The following EYS variants were observed in gnomAD, a reference collection of about 807,000 sequenced individuals.
EYS encodes the protein EGF-like photoreceptor maintenance factor.
In EYS, 250 loss-of-function variants were observed where a neutral mutation model predicts 282.1. The observed-to-expected ratio is 0.89, with a 90% confidence interval of 0.80 to 0.98. The LOEUF (loss-of-function observed/expected upper bound fraction) is 0.98. Ranked by LOEUF, EYS falls within the 50% of genes least tolerant of loss-of-function variation. The pLI is 0.00. For missense variants in EYS, 4,016 were observed against 3,709.0 expected (o/e 1.08, Z -2.15); for synonymous variants, 1,355 against 1,282.9 (o/e 1.06, Z -1.20).
intron 26 of EYS, among the ~76,000 whole-genome samples, chr6:64,458,798 T>C (rs1775646713): frequency 6.6e-6 from 1 of 152,200 alleles, no homozygotes; most frequent in Non-Finnish European, 1.5e-5. Flanking sequence ...TCCCTATATT[T>C]TTTATGCTAA....
At chr6:64,720,802 T>A (rs1771552652) in intron 22 of EYS, among the ~76,000 whole-genome samples, 1 of 152,218 alleles carries the variant, frequency 6.6e-6, no homozygotes, top group Non-Finnish European at 1.5e-5. Context: ...AATCTATCCA[T>A]CCATATAACT....
chr6:65,307,477 A>G (rs1385104414), intron 11 of EYS, among the ~76,000 whole-genome samples: 1 of 150,980 alleles, frequency 6.6e-6, no homozygotes, highest in Admixed American at 6.6e-5. Flanking sequence ...TATTTTGTCC[A>G]ATTTCCTAGC....
rs1767177272 is a variant in EYS at position 63,983,076 on chromosome 6, A to G, written c.7055+1307T>C. Among the ~76,000 whole-genome samples, 3 of 151,792 alleles carry G rather than the reference A, an allele frequency of 2.0e-5. No individual in the cohort carries two copies. In the South Asian group the frequency reaches 6.2e-4, roughly 31 times the overall value. On this transcript the variant is annotated intron_variant, in intron 35 of 42. Transcript: ENST00000503581. ...TGATTATAAAGCAAAATACTTATTG[A>G]GTAAAGCCTTGAGGAAAGTGATGAT...
chr6:65,040,640 C>T (rs1181916015), intron 13 of EYS, among the ~76,000 whole-genome samples: 1 of 151,716 alleles, frequency 6.6e-6, no homozygotes, highest in South Asian at 2.1e-4. Context: ...TCTTTTATTC[C>T]TCCAGTCCTG....
intron 42 of EYS, 76 bp downstream of exon 42, chr6:63,726,443 G>A: frequency 3.2e-6 from 4 of 1,260,690 alleles, no homozygotes; most frequent in Non-Finnish European, 4.3e-6. Flanking sequence ...AATACTAGGT[G>A]ACACAAACAC....
At chr6:65,060,046 G>A (rs1171893237) in intron 12 of EYS, among the ~76,000 whole-genome samples, 1 of 151,810 alleles carries the variant, frequency 6.6e-6, no homozygotes, top group Non-Finnish European at 1.5e-5. Context: ...ATGTCACACT[G>A]CCATGAGCTT....
intron 35 of EYS, among the ~76,000 whole-genome samples, chr6:63,978,104 T>C (rs992239268): frequency 1.3e-5 from 2 of 151,990 alleles, no homozygotes; most frequent in African/African-American, 2.4e-5. Context: ...ACACCATCAA[T>C]GACAGAAGAA....
intron 2 of EYS, among the ~76,000 whole-genome samples, chr6:65,622,275 T>C (rs1766532507): frequency 6.6e-6 from 1 of 152,172 alleles, no homozygotes; most frequent in South Asian, 2.1e-4. Context: ...TCTTTATTTC[T>C]ACAGGCTACA....
intron 12 of EYS, among the ~76,000 whole-genome samples, chr6:65,181,803 C>T (rs1482230827): frequency 3.9e-5 from 6 of 152,040 alleles, no homozygotes. Context: ...GACTTGGAAC[C>T]AACCCAAATG....
intron 2 of EYS, among the ~76,000 whole-genome samples, chr6:65,638,906 A>T (rs1767184342): frequency 6.6e-6 from 1 of 152,122 alleles, no homozygotes; most frequent in Non-Finnish European, 1.5e-5. Flanking sequence ...GAAAAGCAAC[A>T]CCCTAAGGAA....
At position 64,822,816 on chromosome 6, in the gene EYS, T is replaced by C; in HGVS notation, c.2999A>G (p.Asn1000Ser). 1 of 1,548,352 alleles carries C rather than the reference T, an allele frequency of 6.5e-7. No individual in the cohort carries two copies. The highest frequency in any genetic ancestry group is 8.7e-7 in the Non-Finnish European group (1 of 1,145,248). Residue 1000 changes from asparagine (N) to serine (S), a missense_variant, in exon 20 of 43, where the codon AAC (asparagine) becomes AGC (serine). Asn to Ser is a conservative substitution (Grantham distance 46, BLOSUM62 1). Coordinates refer to ENST00000503581, the MANE Select transcript of EYS (RefSeq NM_001142800.2). ...CLCAPGYTGI[N>S]CEINLDECLS... ...GCATTCATCTAGATTTATTTCACAG[T>C]TGATGCCTGTGTTGGAACAGACAAG...
At chr6:65,063,523 T>A (rs1381807278) in intron 12 of EYS, among the ~76,000 whole-genome samples, 14 of 151,994 alleles carry the variant, frequency 9.2e-5, no homozygotes, top group Non-Finnish European at 1.6e-4. Flanking sequence ...TCAAATCAAG[T>A]CAGAGCAGTA....
intron 19 of EYS, among the ~76,000 whole-genome samples, chr6:64,862,509 A>G (rs1766280836): frequency 6.6e-6 from 1 of 152,064 alleles, no homozygotes; most frequent in African/African-American, 2.4e-5. Flanking sequence ...TTCTGCTATA[A>G]TTGTTCATCT....
intron 13 of EYS, among the ~76,000 whole-genome samples, chr6:65,046,263 TA>T (rs1311893263): frequency 6.6e-6 from 1 of 151,896 alleles, no homozygotes; most frequent in Non-Finnish European, 1.5e-5. Context: ...CAATAGTGCC[TA>T]AATTTTTATA....
intron 30 of EYS, among the ~76,000 whole-genome samples, chr6:64,253,757 T>G (rs1582489965): frequency 6.8e-6 from 1 of 147,260 alleles, no homozygotes. Context: ...TGCAGGGGGG[T>G]TTATTCTCAA....
At chr6:65,425,432 T>C (rs1280657490) in intron 5 of EYS, among the ~76,000 whole-genome samples, 1 of 152,120 alleles carries the variant, frequency 6.6e-6, no homozygotes, top group Admixed American at 6.6e-5. Flanking sequence ...TACTCACATA[T>C]TGAGGAAAGC....
chr6:64,167,675 T>C (rs1002460136), intron 31 of EYS, among the ~76,000 whole-genome samples: 4 of 152,194 alleles, frequency 2.6e-5, no homozygotes, highest in African/African-American at 9.7e-5. Flanking sequence ...TGCACATATA[T>C]CTGCCTAGAT....
chr6:65,044,275 A>AT (rs1773032234), intron 13 of EYS, among the ~76,000 whole-genome samples: 1 of 151,710 alleles, frequency 6.6e-6, no homozygotes, highest in East Asian at 1.9e-4. Context: ...TTCCTTATAT[A>AT]TTTTGGATAT....
chr6:64,519,295 T>A (rs1777658097), intron 26 of EYS, among the ~76,000 whole-genome samples: 1 of 151,476 alleles, frequency 6.6e-6, no homozygotes, highest in Non-Finnish European at 1.5e-5. Flanking sequence ...TTGACATGAG[T>A]GGTGCTGGGA....
Sources: allele counts gnomAD v4.1 joint callset (sites outside exome capture counted in the v4.1 genomes callset), GRCh38; gene constraint gnomAD v4.1.1; transcripts MANE v1.5; gene names NCBI Gene and HGNC (gene_info 2026-07-23, HGNC 2026-07-21).